The following LYZL6 variants were observed in gnomAD, a reference collection of about 807,000 sequenced individuals.
LYZL6 encodes the protein lysozyme-like protein 6.
LYZL6 carries 21 observed loss-of-function variants against 15.0 expected under a neutral mutation model. That is an observed-to-expected ratio of 1.40 (90% CI 1.00 to 2.02). The LOEUF (loss-of-function observed/expected upper bound fraction) is 2.02, where lower values mean the gene tolerates loss of function less well. Among genes scored for constraint, LYZL6 ranks in the 30% most tolerant of loss-of-function variants. The probability of loss-of-function intolerance (pLI) is 0.00; values close to 1 mark genes in which losing one functional copy is unlikely to be tolerated. For synonymous variants in LYZL6, 72 were observed against 67.8 expected (o/e 1.06, Z -0.31); for missense variants, 173 against 180.5 (o/e 0.96, Z 0.24).
chr17:35,936,836 G>C lies in LYZL6; in HGVS notation c.299-3C>G, dbSNP rs1269198114. 2 of 1,613,026 alleles carry C rather than the reference G, an allele frequency of 1.2e-6. No individual in the cohort carries two copies. Among genetic ancestry groups the C allele is most frequent in the Non-Finnish European group, 1.7e-6 (2 of 1,179,690 alleles). On this transcript the variant is annotated splice_polypyrimidine_tract_variant and splice_region_variant and intron_variant, in intron 3 of 4. Transcript: ENST00000615905. ...AAGAAGGTTGGGATTCAGCAGATCT[G>C]AAAGGGAGGAAGAGAAAACCTGTGA...
rs753234484 is a variant in LYZL6 at position 35,939,390 on chromosome 17, T to C, written c.-34A>G. On this transcript the variant is annotated 5_prime_UTR_variant, in exon 2 of 5. Coordinates refer to ENST00000615905, the MANE Select transcript of LYZL6 (RefSeq NM_020426.4). ...GGGAGGAGGTGCAGCTGAGGGCTGA[T>C]GGTTCTTAGGGTCTTGCAGACTTTC... 6.2e-7 allele frequency: 1 copy of C among 1,610,256 alleles called. No homozygotes were observed. Among genetic ancestry groups the C allele is most frequent in the South Asian group, 1.1e-5 (1 of 90,662 alleles).
chr17:35,940,303 A>C (rs2089415932), intron 1 of LYZL6, among the ~76,000 whole-genome samples: 1 of 152,158 alleles, frequency 6.6e-6, no homozygotes, highest in South Asian at 2.1e-4. Context: ...CACATTCCAC[A>C]CAAAAGGGAA....
intron 1 of LYZL6, among the ~76,000 whole-genome samples, chr17:35,940,173 A>T (rs1229031882): frequency 6.6e-6 from 1 of 152,150 alleles, no homozygotes; most frequent in Non-Finnish European, 1.5e-5. Flanking sequence ...CTGGGGTGCT[A>T]TGTGACTTTG....
At chr17:35,939,601 C>A in intron 1 of LYZL6, 43 bp from the exon 2 acceptor site, 1 of 322,830 alleles carries the variant, frequency 3.1e-6, no homozygotes, top group Non-Finnish European at 5.6e-6. Flanking sequence ...CCTCCATATA[C>A]CCACTTCTGA....
chr17:35,943,229 T>A (rs1237086015), intron 1 of LYZL6, among the ~76,000 whole-genome samples: 1 of 152,124 alleles, frequency 6.6e-6, no homozygotes, highest in African/African-American at 2.4e-5. Flanking sequence ...CCACGAACCT[T>A]GGTATTTACT....
At chr17:35,934,888 T>G in intron 4 of LYZL6, 23 bp from the exon 5 acceptor site, 2 of 1,613,156 alleles carry the variant, frequency 1.2e-6, no homozygotes, top group African/African-American at 1.3e-5. Context: ...AAGACATGGT[T>G]CTTGCCTCAC....
In LYZL6 at chr17:35,939,445, C is replaced by G; in HGVS notation, c.-89G>C. 1 of 1,393,514 alleles carries G rather than the reference C, an allele frequency of 7.2e-7. No individual in the cohort carries two copies. Among genetic ancestry groups the G allele is most frequent in the Non-Finnish European group, 9.9e-7 (1 of 1,012,304 alleles). 86.3% of individuals were successfully genotyped at this position (1,393,514 alleles called of 1,614,324 possible). ...GATCTTCTCTGAGAGCCTGGGGAAT[C>G]TGGAGAGGGCAGCCAGGTTTCCTTA... On this transcript the variant is annotated 5_prime_UTR_variant, in exon 2 of 5. Coordinates refer to ENST00000615905, the MANE Select transcript of LYZL6 (RefSeq NM_020426.4).
At chr17:35,937,943 A>T in intron 2 of LYZL6, 27 bp from the exon 3 acceptor site, 1 of 1,608,000 alleles carries the variant, frequency 6.2e-7, no homozygotes, top group South Asian at 1.1e-5. Context: ...GAAGGTCAGG[A>T]TTTAGAGGGG....
intron 4 of LYZL6, 91 bp downstream of exon 4, chr17:35,936,664 C>T (rs2089375588): frequency 4.8e-6 from 5 of 1,034,606 alleles, no homozygotes; most frequent in Non-Finnish European, 7.5e-6. Context: ...ACTGCAAGGG[C>T]GTGCCCGTGA....
intron 2 of LYZL6, among the ~76,000 whole-genome samples, chr17:35,938,192 G>C (rs1265353997): frequency 1.3e-5 from 2 of 152,156 alleles, no homozygotes; most frequent in Non-Finnish European, 2.9e-5. Context: ...CCTAGTGAGG[G>C]ACATTTCAGT....
In LYZL6 at chr17:35,939,316, A is replaced by G; in HGVS notation, c.41T>C (p.Leu14Pro). 6.2e-7 allele frequency: 1 copy of G among 1,614,184 alleles called. No individual in the cohort carries two copies. Among genetic ancestry groups the G allele is most frequent in the South Asian group, 1.1e-5 (1 of 91,078 alleles). The change falls in exon 2 of 5, where the codon CTT (leucine) becomes CCT (proline). Residue 14 changes from leucine to proline, a missense_variant. By Grantham distance (98) the Leu-to-Pro change is moderately conservative. Transcript: ENST00000615905. ...ALLIYLVSSF[L>P]ALNQASLISR... ...GATGAGGCTGGCCTGATTTAGGGCA[A>G]GAAAGCTGCTGACCAAATAGATGAG...
At chr17:35,940,335 C>T (rs2089416260) in intron 1 of LYZL6, among the ~76,000 whole-genome samples, 1 of 152,122 alleles carries the variant, frequency 6.6e-6, no homozygotes, top group Admixed American at 6.5e-5. Context: ...GGAAATATGG[C>T]TGATTCCCAG....
At chr17:35,936,977 A>G (rs1012140381) in intron 3 of LYZL6, 144 bp from the exon 4 acceptor site, 1 of 682,026 alleles carries the variant, frequency 1.5e-6, no homozygotes, top group African/African-American at 1.8e-5. Flanking sequence ...GCCCATTTAG[A>G]CATCCCTACA....
chr17:35,938,178 A>G (rs2089393370), intron 2 of LYZL6, among the ~76,000 whole-genome samples: 1 of 152,236 alleles, frequency 6.6e-6, no homozygotes, highest in Non-Finnish European at 1.5e-5. Context: ...GGAACTGTGC[A>G]AAGCCTAGTG....
At chr17:35,941,107 C>T (rs2089421688) in intron 1 of LYZL6, among the ~76,000 whole-genome samples, 1 of 152,216 alleles carries the variant, frequency 6.6e-6, no homozygotes, top group African/African-American at 2.4e-5. Flanking sequence ...ATTTTGCATT[C>T]CCATCAGCAG....
chr17:35,940,753 C>T (rs1314146557), intron 1 of LYZL6, among the ~76,000 whole-genome samples: 9 of 152,290 alleles, frequency 5.9e-5, no homozygotes, highest in East Asian at 5.8e-4. Context: ...TTCATACACA[C>T]GGAGTTACAG....
intron 2 of LYZL6, 99 bp from the exon 3 acceptor site, chr17:35,938,015 C>CA: frequency 8.0e-7 from 1 of 1,251,382 alleles, no homozygotes; most frequent in Non-Finnish European, 1.1e-6. Flanking sequence ...ACAAAAGGAA[C>CA]AAGGCCTGGG....
At chr17:35,937,677 G>T (rs1428210075) in intron 3 of LYZL6, 81 bp downstream of exon 3, 3 of 1,474,794 alleles carry the variant, frequency 2.0e-6, no homozygotes, top group Non-Finnish European at 2.8e-6. Flanking sequence ...GCCATTCCCA[G>T]GCTGTGGGTG....
chr17:35,939,463 T>G lies in LYZL6; in HGVS notation c.-107A>C. ...GGGGAATCTGGAGAGGGCAGCCAGGTTTCCTTACTCACTCACTGCTCCAAC... is the reference window on the plus strand; with the variant it reads ...GGGGAATCTGGAGAGGGCAGCCAGGGTTCCTTACTCACTCACTGCTCCAAC... On this transcript the variant is annotated 5_prime_UTR_variant, in exon 2 of 5. Transcript: ENST00000615905. The G allele has an allele frequency of 8.7e-7, 1 of 1,144,088 alleles. No individual in the cohort carries two copies. Among genetic ancestry groups the G allele is most frequent in the Non-Finnish European group, 1.3e-6 (1 of 798,778 alleles). The allele number at this position is 1,144,088 out of a possible 1,614,324, so 70.9% of individuals were successfully genotyped here.
Sources: allele counts gnomAD v4.1 joint callset (sites outside exome capture counted in the v4.1 genomes callset), GRCh38; gene constraint gnomAD v4.1.1; transcripts MANE v1.5; gene names NCBI Gene and HGNC (gene_info 2026-07-23, HGNC 2026-07-21).